Variants in P3H3 observed in about 807,000 individuals in gnomAD.
P3H3 encodes prolyl 3-hydroxylase 3.
Under a neutral mutation model 78.1 loss-of-function variants are expected in P3H3, and 64 were observed. That is an observed-to-expected ratio of 0.82 (90% CI 0.67 to 1.01). The LOEUF (loss-of-function observed/expected upper bound fraction) is 1.01, where lower values mean the gene tolerates loss of function less well. Ranked by LOEUF, P3H3 falls within the 50% of genes least tolerant of loss-of-function variation. The pLI, the probability that P3H3 is intolerant of heterozygous loss-of-function variation, is 0.00. For missense variants in P3H3, 975 were observed against 982.2 expected (o/e 0.99, Z 0.10); for synonymous variants, 425 against 416.7 (o/e 1.02, Z -0.24).
At chr12:6,833,355 T>G in intron 6 of P3H3, 1 of 551,210 alleles carries the variant, frequency 1.8e-6, no homozygotes, top group Non-Finnish European at 3.3e-6. Flanking sequence ...TCCATTTCCA[T>G]GAATAAAGCT....
chr12:6,836,540 C>T (rs74059134), intron 9 of P3H3, among the ~76,000 whole-genome samples: 2,391 of 152,196 alleles, frequency 0.016, 66 homozygotes, highest in African/African-American at 0.052. Context: ...AGGGATAGCC[C>T]GCTGATGCTG....
chr12:6,831,880 C>A lies in P3H3; in HGVS notation c.1178C>A (p.Ala393Asp). The change falls in exon 6 of 15, where the codon GCC (alanine) becomes GAC (aspartate). Residue 393 changes from alanine (A) to aspartate (D), a missense_variant. Transcript: ENST00000290510. The surrounding 1 kb of genome is among the most constrained non-coding windows in gnomAD (Gnocchi z 4.6). The part of the protein sequence containing the change: ...SLGEKRQLYY[A>D]MEHLGTSFKD... ...GGGGAGAAGAGGCAGCTCTACTATG[C>A]CATGGAGCACCTGGGGACCAGCTTC... 1 of 1,607,312 alleles carries A rather than the reference C, an allele frequency of 6.2e-7. No homozygotes were observed. Among genetic ancestry groups the A allele is most frequent in the Non-Finnish European group, 8.5e-7 (1 of 1,175,854 alleles).
rs782621487 is a variant in P3H3 at position 6,838,995 on chromosome 12, T to A, written c.1906-5T>A. Reference sequence around the variant, plus strand: ...CTGGAGCTGAACCTGCCCTCATCCCTCCAGGCTCGGGTGCGTCCTCGCTGT... The same window carrying A: ...CTGGAGCTGAACCTGCCCTCATCCCACCAGGCTCGGGTGCGTCCTCGCTGT... On this transcript the variant is annotated splice_region_variant and splice_polypyrimidine_tract_variant and intron_variant, in intron 13 of 14. Transcript: ENST00000290510. 6.3e-7 allele frequency: 1 copy of A among 1,583,864 alleles called. No individual in the cohort carries two copies.
Position 6,830,486 on chromosome 12 carries a change from A to G in P3H3, c.785A>G (p.Glu262Gly). The G allele has an allele frequency of 6.3e-7, 1 of 1,586,444 alleles. No homozygotes were observed. Among genetic ancestry groups the G allele is most frequent in the East Asian group, 2.3e-5 (1 of 43,890 alleles). The change falls in exon 3 of 15, where the codon GAG becomes GGG. Residue 262 changes from glutamate (E) to glycine (G), a missense_variant. By Grantham distance (98) the Glu-to-Gly change is moderately conservative. Coordinates refer to ENST00000290510, the MANE Select transcript of P3H3 (RefSeq NM_014262.5). The part of the protein sequence containing the change: ...SCRADCEGPE[E>G]QQGAEEEEDG... ...CGTGCTGACTGTGAGGGGCCTGAGGAGCAGCAGGGGGCTGAAGAAGAGGAG... is the reference window on the plus strand; with the variant it reads ...CGTGCTGACTGTGAGGGGCCTGAGGGGCAGCAGGGGGCTGAAGAAGAGGAG...
rs1303555452 is a variant in P3H3, at chr12:6,839,543, G to C, written c.*82G>C. ...ATGCCAGGACACACAGGAAGCCCCT[G>C]TGTGACATCAGGAGCAGAACAGCAA... On this transcript the variant is annotated 3_prime_UTR_variant, in exon 15 of 15. Coordinates refer to ENST00000290510, the MANE Select transcript of P3H3 (RefSeq NM_014262.5). 1.4e-5 allele frequency: 20 copies of C among 1,468,112 alleles called. No individual in the cohort carries two copies. Among genetic ancestry groups the C allele is most frequent in the Admixed American group, 8.7e-5 (4 of 45,910 alleles). 90.9% of individuals were successfully genotyped at this position (1,468,112 alleles called of 1,614,324 possible). A position where few individuals can be genotyped will look rare whatever the true frequency, so the allele number is the denominator to read the frequency against.
Position 6,839,739 on chromosome 12 carries a change from A to C in P3H3, c.*278A>C. 3 of 428,776 alleles carry C rather than the reference A, an allele frequency of 7.0e-6. No individual in the cohort carries two copies. Among genetic ancestry groups the C allele is most frequent in the Non-Finnish European group, 8.5e-6 (2 of 235,364 alleles). 26.6% of individuals were successfully genotyped at this position (428,776 alleles called of 1,614,324 possible). A position where few individuals can be genotyped will look rare whatever the true frequency, so the allele number is the denominator to read the frequency against. Reference sequence around the variant, plus strand: ...GAACACTGTGCCTCCCTGAACAGAAATGGCAGGGGAGGAGGCTGATGCTTT... The same window carrying C: ...GAACACTGTGCCTCCCTGAACAGAACTGGCAGGGGAGGAGGCTGATGCTTT... On this transcript the variant is annotated 3_prime_UTR_variant, in exon 15 of 15. Transcript: ENST00000290510.
In P3H3 at chr12:6,833,653, T is replaced by C; in HGVS notation, c.1265+9T>C. On this transcript the variant is annotated intron_variant, in intron 7 of 14. Transcript: ENST00000290510. ...CTTAGAGAAAAGCTCAGGTAGGATA[T>C]GCCCCATGGTGGGAGGGGCTTGGCC... The C allele has an allele frequency of 6.2e-7, 1 of 1,613,476 alleles. No individual in the cohort carries two copies. The highest frequency in any genetic ancestry group is 8.5e-7 in the Non-Finnish European group (1 of 1,179,470).
chr12:6,839,483 G>C lies in P3H3; in HGVS notation c.*22G>C. On this transcript the variant is annotated 3_prime_UTR_variant, in exon 15 of 15. Coordinates refer to ENST00000290510, the MANE Select transcript of P3H3 (RefSeq NM_014262.5). ...GTGAGTGGCTGAGCCAGCTCCTTGA[G>C]GATGTGGCCACTTGACTTGTGGAAG... is the stretch of plus-strand genomic sequence containing the variant. 6.5e-7 allele frequency: 1 copy of C among 1,546,680 alleles called. No individual in the cohort carries two copies. The highest frequency in any genetic ancestry group is 8.7e-7 in the Non-Finnish European group (1 of 1,144,772).
chr12:6,831,454 C>G lies in P3H3; in HGVS notation c.1122+102C>G. The G allele has an allele frequency of 6.8e-7, 1 of 1,480,606 alleles. No individual in the cohort carries two copies. Among genetic ancestry groups the G allele is most frequent in the African/African-American group, 1.4e-5 (1 of 71,864 alleles). 91.7% of individuals were successfully genotyped at this position (1,480,606 alleles called of 1,614,324 possible). A position where few individuals can be genotyped will look rare whatever the true frequency, so the allele number is the denominator to read the frequency against. Reference sequence around the variant, plus strand: ...ACCCCCCGCTGGCCTCTTACCCGAGCACTCTAGTCACCCAAAGGACTCCAA... The same window carrying G: ...ACCCCCCGCTGGCCTCTTACCCGAGGACTCTAGTCACCCAAAGGACTCCAA... On this transcript the variant is annotated intron_variant, in intron 5 of 14. Coordinates refer to ENST00000290510, the MANE Select transcript of P3H3 (RefSeq NM_014262.5). This position sits in a 1 kb window ranked among gnomAD's most constrained non-coding sequence, Gnocchi z 4.6.
Position 6,839,543 on chromosome 12 carries a change from G to T in P3H3, c.*82G>T. 3 of 1,468,230 alleles carry T rather than the reference G, an allele frequency of 2.0e-6. 1 individual carries two copies. The South Asian group carries it at 3.9e-5, about 19-fold the overall frequency. 91.0% of individuals were successfully genotyped at this position (1,468,230 alleles called of 1,614,324 possible). ...ATGCCAGGACACACAGGAAGCCCCT[G>T]TGTGACATCAGGAGCAGAACAGCAA... is the stretch of plus-strand genomic sequence containing the variant. On this transcript the variant is annotated 3_prime_UTR_variant, in exon 15 of 15. Coordinates refer to ENST00000290510, the MANE Select transcript of P3H3 (RefSeq NM_014262.5).
rs1555122235 is a variant in P3H3, at chr12:6,837,033, C to T, written c.1507C>T (p.Pro503Ser). 3.1e-6 allele frequency: 5 copies of T among 1,608,912 alleles called. No individual in the cohort carries two copies. The highest frequency in any genetic ancestry group is 1.7e-5 in the Admixed American group (1 of 60,004). The change falls in exon 10 of 15, where the codon CCT becomes TCT. Residue 503 changes from proline (P) to serine (S), a missense_variant. Coordinates refer to ENST00000290510, the MANE Select transcript of P3H3 (RefSeq NM_014262.5). ...ARSGYRGRRS[P>S]HTPHERFEGL... ...GTCTGGCTATCGTGGTCGCCGCTCC[C>T]CTCACACCCCCCATGAACGCTTCGA...
At position 6,829,441 on chromosome 12, in the gene P3H3, G is replaced by A; in HGVS notation, c.499-418G>A. On this transcript the variant is annotated intron_variant, in intron 1 of 14. Coordinates refer to ENST00000290510, the MANE Select transcript of P3H3 (RefSeq NM_014262.5). The surrounding 1 kb of genome is among the most constrained non-coding windows in gnomAD (Gnocchi z 5.1). ...GCACGCCGCAGCCGCCGGTACCGCA[G>A]CAGTTGCCTACGTGGCTGGGGAAGC... The A allele has an allele frequency of 4.1e-6, 1 of 242,790 alleles. No homozygotes were observed. The highest frequency in any genetic ancestry group is 2.3e-5 in the African/African-American group (1 of 42,878). 15.0% of individuals were successfully genotyped at this position (242,790 alleles called of 1,614,324 possible).
At position 6,837,403 on chromosome 12, in the gene P3H3, C is replaced by T. The variant is rs1555122316; in HGVS notation, c.1561-20C>T. 1 of 1,601,926 alleles carries T rather than the reference C, an allele frequency of 6.2e-7. No homozygotes were observed. Among genetic ancestry groups the T allele is most frequent in the Non-Finnish European group, 8.5e-7 (1 of 1,174,548 alleles). On this transcript the variant is annotated intron_variant, in intron 10 of 14. Transcript: ENST00000290510. ...CCCCTTGCCTTCCTCCTTTTCTGCC[C>T]TGCCTTTCACTGCCTGCAGCTGGCC...
Position 6,839,106 on chromosome 12 carries a change from T to G in P3H3, c.2012T>G (p.Leu671Arg). Residue 671 changes from leucine to arginine, a missense_variant, in exon 14 of 15, where the codon CTG becomes CGG. Leu to Arg is a moderately radical substitution (Grantham distance 102, BLOSUM62 -2). Transcript: ENST00000290510. ...VTRGRRCALA[L>R]WHTWAPEHRE... The stretch of plus-strand genomic sequence containing the variant: ...CGGGGACGGCGCTGTGCCCTGGCAC[T>G]GTGGCACACGTGGGCACCTGAGCAC... 2 of 1,608,306 alleles carry G rather than the reference T, an allele frequency of 1.2e-6. No homozygotes were observed. The highest frequency in any genetic ancestry group is 1.7e-6 in the Non-Finnish European group (2 of 1,178,554).
Position 6,831,001 on chromosome 12 carries a change from CCCTCTT to C in P3H3, c.986-214_986-209del. 8.5e-6 allele frequency: 7 copies of C among 826,982 alleles called. No individual in the cohort carries two copies. In the Middle Eastern group the frequency reaches 1.3e-3, roughly 152 times the overall value. 51.2% of individuals were successfully genotyped at this position (826,982 alleles called of 1,614,324 possible). On this transcript the variant is annotated intron_variant, in intron 4 of 14. Coordinates refer to ENST00000290510, the MANE Select transcript of P3H3 (RefSeq NM_014262.5). The surrounding 1 kb of genome is among the most constrained non-coding windows in gnomAD (Gnocchi z 4.6). ...GCTTCTCACCTTCCTTTATTTTCCC[CCCTCTT>C]GCTCTTCTTTGAACTCTCCAGCTAA...
Position 6,828,571 on chromosome 12 carries a change from G to A in P3H3, c.131G>A (p.Gly44Glu). 1.6e-6 allele frequency: 2 copies of A among 1,230,318 alleles called. No homozygotes were observed. Among genetic ancestry groups the A allele is most frequent in the Non-Finnish European group, 2.0e-6 (2 of 986,742 alleles). 76.2% of individuals were successfully genotyped at this position (1,230,318 alleles called of 1,614,324 possible). A position where few individuals can be genotyped will look rare whatever the true frequency, so the allele number is the denominator to read the frequency against. The change falls in exon 1 of 15, where the codon GGG (glycine) becomes GAG (glutamate). Residue 44 changes from glycine (G) to glutamate (E), a missense_variant. Coordinates refer to ENST00000290510, the MANE Select transcript of P3H3 (RefSeq NM_014262.5). ...PQAPDLLYADGLRAYAAGAWA... is the reference protein window; with the variant it reads ...PQAPDLLYADELRAYAAGAWA... ...GCCCCCGACTTGCTCTACGCTGACG[G>A]GCTGCGCGCCTACGCGGCCGGGGCT...
At position 6,831,497 on chromosome 12, in the gene P3H3, C is replaced by T. The variant is rs1302567439; in HGVS notation, c.1122+145C>T. ...GACTCCAAGTCCAGCATCTGACTTC[C>T]GTCTCCACTCCCTGCTCCCCACGGC... On this transcript the variant is annotated intron_variant, in intron 5 of 14. Transcript: ENST00000290510. This position sits in a 1 kb window ranked among gnomAD's most constrained non-coding sequence, Gnocchi z 4.6. 4.1e-5 allele frequency: 48 copies of T among 1,160,218 alleles called. No homozygotes were observed. Among genetic ancestry groups the T allele is most frequent in the South Asian group, 6.0e-5 (4 of 66,910 alleles). The allele number at this position is 1,160,218 out of a possible 1,614,324, so 71.9% of individuals were successfully genotyped here.
At position 6,830,528 on chromosome 12, in the gene P3H3, AG is replaced by A; in HGVS notation, c.833del (p.Gly278AlafsTer42). 7 of 1,574,126 alleles carry A rather than the reference AG, an allele frequency of 4.4e-6. No individual in the cohort carries two copies. The highest frequency in any genetic ancestry group is 6.0e-6 in the Non-Finnish European group (7 of 1,160,314). ...GAAGAGGAGGATGGGGCTGCGAGCC[AG>A]GGGGGCCTCTATGAGGCCATTGCAG... ...AEEEEDGAAS[Q>X]GGLYEAIAGH... On this transcript the variant is annotated frameshift_variant, in exon 3 of 15. Transcript: ENST00000290510. LOFTEE classifies it high-confidence loss of function.
rs143099276 is a variant in P3H3 at position 6,834,078 on chromosome 12, G to A, written c.1458+29G>A. 2.0e-5 allele frequency: 32 copies of A among 1,611,754 alleles called. No homozygotes were observed. The African/African-American group carries it at 2.9e-4, about 15-fold the overall frequency. On this transcript the variant is annotated intron_variant, in intron 9 of 14. Coordinates refer to ENST00000290510, the MANE Select transcript of P3H3 (RefSeq NM_014262.5). ...GGAAGACCTGCAAGCTCATCAGCTC[G>A]TTCAAGACTCTTGGATACAATCACC...
Sources: gnomAD v4.1 joint callset for allele counts (sites outside exome capture counted in the v4.1 genomes callset) on GRCh38, gnomAD v4.1.1 for gene constraint, Gnocchi (gnomAD v3.1) non-coding constraint, MANE v1.5 for transcripts, NCBI Gene and HGNC (gene_info 2026-07-23, HGNC 2026-07-21) for gene names.